Variants in UGGT1 observed in about 807,000 individuals in gnomAD.
UGGT1 encodes UDP-glucose:glycoprotein glucosyltransferase 1.
Under a neutral mutation model 203.9 loss-of-function variants are expected in UGGT1, and 107 were observed. The ratio of observed to expected loss-of-function variants is 0.52; its 90% CI spans 0.45 to 0.62. The LOEUF (loss-of-function observed/expected upper bound fraction) is 0.62. UGGT1 is among the 20% of genes least tolerant of loss of function. UGGT1 has a pLI of 0.00. For synonymous variants in UGGT1, 628 were observed against 653.5 expected, an observed-to-expected ratio of 0.96 and a Z score of 0.59; for missense variants, 1,673 against 1,867.2, an observed-to-expected ratio of 0.90 and a Z score of 1.92.
intron 34 of UGGT1, 89 bp from the exon 35 acceptor site, chr2:128,179,697 C>A: frequency 9.0e-7 from 1 of 1,111,082 alleles, no homozygotes. Flanking sequence ...CCGTAAAGAG[C>A]ATTTAGGTGT....
chr2:128,178,442 T>C, intron 33 of UGGT1, 26 bp from the exon 34 acceptor site: 2 of 1,575,858 alleles, frequency 1.3e-6, no homozygotes, highest in Non-Finnish European at 1.7e-6. Context: ...TTTCAAGTGG[T>C]CTTTTTTTTA....
chr2:128,121,092 A>G (rs1181007663), intron 9 of UGGT1, 107 bp from the exon 10 acceptor site: 1 of 1,035,610 alleles, frequency 9.7e-7, no homozygotes, highest in Non-Finnish European at 1.5e-6. Context: ...GCATTCGAAG[A>G]TATTCTTAAT....
chr2:128,161,044 T>G, intron 24 of UGGT1, 94 bp from the exon 25 acceptor site: 65 of 1,439,490 alleles, frequency 4.5e-5, no homozygotes, highest in Non-Finnish European at 5.7e-5. Context: ...TTCTGGCGTA[T>G]GAGGTAGCCT....
intron 14 of UGGT1, among the ~76,000 whole-genome samples, chr2:128,133,669 T>C (rs1178824773): frequency 1.3e-5 from 2 of 152,234 alleles, no homozygotes; most frequent in African/African-American, 4.8e-5. Flanking sequence ...TTTAAGACTT[T>C]ATATTTTTTA....
chr2:128,099,019 G>A (rs1048995476), intron 2 of UGGT1, among the ~76,000 whole-genome samples: 21 of 152,296 alleles, frequency 1.4e-4, no homozygotes, highest in African/African-American at 5.1e-4. Context: ...AAGGATAAAT[G>A]TGGGTAGATT....
chr2:128,185,064 T>C (rs1691902396), intron 38 of UGGT1, among the ~76,000 whole-genome samples: 1 of 152,216 alleles, frequency 6.6e-6, no homozygotes, highest in South Asian at 2.1e-4. Flanking sequence ...GTATTATTTC[T>C]GTTATTCTTT....
chr2:128,183,909 GGT>G (rs558911313), intron 38 of UGGT1, 120 bp downstream of exon 38: 6,146 of 332,014 alleles, frequency 0.019, 1 homozygote, highest in East Asian at 0.037. Flanking sequence ...GTTTTTTCAT[GGT>G]GTGTGTGTGT....
At chr2:128,129,526 G>C (rs1688776016) in intron 13 of UGGT1, among the ~76,000 whole-genome samples, 1 of 151,630 alleles carries the variant, frequency 6.6e-6, no homozygotes, top group Admixed American at 6.6e-5. Flanking sequence ...AGCCTCCCGA[G>C]TAGCTGGCAT....
At chr2:128,119,037 A>G (rs945913248) in intron 8 of UGGT1, among the ~76,000 whole-genome samples, 3 of 152,208 alleles carry the variant, frequency 2.0e-5, no homozygotes, top group Non-Finnish European at 4.4e-5. Context: ...AACTAGAACT[A>G]GAGTGTCAGA....
At chr2:128,165,112 GTTGTACTTTTC>G (rs1411680256) in intron 26 of UGGT1, among the ~76,000 whole-genome samples, 4 of 152,192 alleles carry the variant, frequency 2.6e-5, no homozygotes, top group Non-Finnish European at 5.9e-5. Context: ...AAACAGAGAA[GTTGTACTTTTC>G]TTAAATTCGA....
chr2:128,098,680 C>A (rs1279857558), intron 2 of UGGT1, among the ~76,000 whole-genome samples: 1 of 148,304 alleles, frequency 6.7e-6, no homozygotes, highest in African/African-American at 2.5e-5. Flanking sequence ...GCCCAGGAGG[C>A]GGAGGTTGCA....
chr2:128,186,853 A>G (rs1172525278), intron 39 of UGGT1, 54 bp downstream of exon 39: 1 of 1,197,468 alleles, frequency 8.4e-7, no homozygotes, highest in East Asian at 2.5e-5. Flanking sequence ...GTGTGAGTGA[A>G]TCACGATTAA....
chr2:128,168,483 C>A (rs1440706378), intron 26 of UGGT1, among the ~76,000 whole-genome samples: 1 of 151,942 alleles, frequency 6.6e-6, no homozygotes, highest in Admixed American at 6.5e-5. Context: ...TTGTGGTATT[C>A]TTTTGTATTC....
At chr2:128,101,141 T>C (rs1464786688) in intron 2 of UGGT1, among the ~76,000 whole-genome samples, 1 of 152,204 alleles carries the variant, frequency 6.6e-6, no homozygotes, top group Non-Finnish European at 1.5e-5. Flanking sequence ...AGGCAACTCA[T>C]AGAAATGAGC....
chr2:128,117,987 TGTGTGTGA>T (rs780120993), intron 8 of UGGT1, among the ~76,000 whole-genome samples: 261 of 71,200 alleles, frequency 3.7e-3, no homozygotes, highest in African/African-American at 6.6e-3. Context: ...TCTGTGTGTG[TGTGTGTGA>T]GAGAGAGAGA....
At chr2:128,096,548 C>T (rs1274917386) in intron 1 of UGGT1, among the ~76,000 whole-genome samples, 1 of 152,188 alleles carries the variant, frequency 6.6e-6, no homozygotes, top group East Asian at 1.9e-4. Context: ...TGTGTCTCTA[C>T]ATAGTTTTCC....
intron 36 of UGGT1, among the ~76,000 whole-genome samples, chr2:128,181,583 C>T (rs1691691834): frequency 6.6e-6 from 1 of 152,118 alleles, no homozygotes; most frequent in Non-Finnish European, 1.5e-5. Context: ...CCACTTCAGC[C>T]CGAGCGGGCG....
At chr2:128,159,869 T>G in intron 23 of UGGT1, 149 bp downstream of exon 23, 1 of 806,942 alleles carries the variant, frequency 1.2e-6, no homozygotes. Context: ...GAAGTTTCCC[T>G]TTATTACTTT....
Position 128,145,504 on chromosome 2 carries a change from AC to A in UGGT1, c.1852-298del. The A allele has an allele frequency of 1.7e-5, 2 of 114,610 alleles. 1 individual carries two copies. Among genetic ancestry groups the A allele is most frequent in the Non-Finnish European group, 3.6e-5 (2 of 55,992 alleles). 7.1% of individuals were successfully genotyped at this position (114,610 alleles called of 1,614,324 possible). ...GCCTGTGCTACACACACACACAAAC[AC>A]ACACACACACACACACACATACACA... is the stretch of plus-strand genomic sequence containing the variant. On this transcript the variant is annotated intron_variant, in intron 17 of 40. Coordinates refer to ENST00000259253, the MANE Select transcript of UGGT1 (RefSeq NM_020120.4).
Sources: allele counts gnomAD v4.1 joint callset (sites outside exome capture counted in the v4.1 genomes callset), GRCh38; gene constraint gnomAD v4.1.1; transcripts MANE v1.5; gene names NCBI Gene and HGNC (gene_info 2026-07-23, HGNC 2026-07-21).